NUTM2E: variants seen among roughly 807,000 people sequenced by gnomAD.
The protein encoded by NUTM2E is family with sequence similarity 22, member E.
NUTM2E carries 3 observed loss-of-function variants against 26.1 expected under a neutral mutation model. The observed-to-expected ratio is 0.12, with a 90% CI of 0.05 to 0.30. NUTM2E has a LOEUF of 0.30. Among genes scored for constraint, NUTM2E ranks in the 10% least tolerant of loss-of-function variants. The probability of loss-of-function intolerance (pLI) is 1.00; values close to 1 mark genes in which losing one functional copy is unlikely to be tolerated. For synonymous variants in NUTM2E, 13 were observed against 157.5 expected (o/e 0.08, Z 6.87); for missense variants, 62 against 381.3 (o/e 0.16, Z 6.97).
At chr10:79,834,667 T>TAA (rs377301904) in intron 1 of NUTM2E, among the ~76,000 whole-genome samples, 54 of 135,284 alleles carry the variant, frequency 4.0e-4, no homozygotes, top group South Asian at 1.2e-3. Flanking sequence ...TGCTCCATCT[T>TAA]AAAAAAAAAA....
intron 2 of NUTM2E, among the ~76,000 whole-genome samples, 81 bp downstream of exon 2, chr10:79,838,667 C>G (rs1841979371): frequency 6.6e-6 from 1 of 151,674 alleles, no homozygotes; most frequent in Admixed American, 6.6e-5. Flanking sequence ...GCCTTGAGCA[C>G]AGCCACAGGC....
At position 79,843,806 on chromosome 10, in the gene NUTM2E, C is replaced by T. The variant is rs1286526062; in HGVS notation, c.383-367C>T. On this transcript the variant is annotated intron_variant, in intron 4 of 9. Coordinates refer to ENST00000429984, the MANE Select transcript of NUTM2E (RefSeq NM_001355263.2). Reference sequence around the variant, plus strand: ...GCACTGCCCTGGGGTAGGCCCCTCACCTGTTGCTGAGCACGCTGAGGACCA... The same window carrying T: ...GCACTGCCCTGGGGTAGGCCCCTCATCTGTTGCTGAGCACGCTGAGGACCA... Among the ~76,000 whole-genome samples the T allele has an allele frequency of 1.0e-4, 13 of 129,738 alleles. 1 individual carries two copies. The highest frequency in any genetic ancestry group is 4.1e-4 in the African/African-American group (13 of 31,350). The allele number at this position is 129,738 out of a possible 152,430, so 85.1% of individuals were successfully genotyped here. A position where few individuals can be genotyped will look rare whatever the true frequency, so the allele number is the denominator to read the frequency against.
At chr10:79,837,717 G>A (rs577117571) in intron 1 of NUTM2E, among the ~76,000 whole-genome samples, 2 of 152,148 alleles carry the variant, frequency 1.3e-5, no homozygotes, top group East Asian at 1.9e-4. Context: ...ATTCATCAGT[G>A]TGTGTATGTG....
chr10:79,835,059 T>A (rs1325088838), intron 1 of NUTM2E, among the ~76,000 whole-genome samples: 2 of 150,834 alleles, frequency 1.3e-5, no homozygotes, highest in African/African-American at 4.9e-5. Context: ...TGTATTAATG[T>A]AGACTGGCAG....
chr10:79,837,814 T>C (rs1232045210), intron 1 of NUTM2E, among the ~76,000 whole-genome samples: 1 of 151,976 alleles, frequency 6.6e-6, no homozygotes, highest in African/African-American at 2.4e-5. Context: ...GTGTGCCAGA[T>C]ATTAAGCAAT....
intron 3 of NUTM2E, among the ~76,000 whole-genome samples, 98 bp downstream of exon 3, chr10:79,839,213 T>C (rs1256961491): frequency 6.6e-6 from 1 of 151,078 alleles, no homozygotes; most frequent in Admixed American, 6.6e-5. Flanking sequence ...TCAAATTGCA[T>C]GTCTTGCATT....
intron 1 of NUTM2E, among the ~76,000 whole-genome samples, chr10:79,832,539 A>T (rs1386240237): frequency 2.6e-5 from 4 of 151,432 alleles, no homozygotes; most frequent in African/African-American, 4.8e-5. Flanking sequence ...AATTAGAATT[A>T]TAACTCACAT....
At chr10:79,832,023 GAGAGAA>G (rs1367425995) in intron 1 of NUTM2E, among the ~76,000 whole-genome samples, 1 of 6,298 alleles carries the variant, frequency 1.6e-4, no homozygotes, top group East Asian at 0.071. Flanking sequence ...GAGACTGAGA[GAGAGAA>G]AGAGATTATC....
chr10:79,836,155 A>G (rs1447523824), intron 1 of NUTM2E, among the ~76,000 whole-genome samples: 1 of 151,560 alleles, frequency 6.6e-6, no homozygotes, highest in Non-Finnish European at 1.5e-5. Flanking sequence ...TTTCCCTCAT[A>G]ATTGTCAGAA....
intron 2 of NUTM2E, among the ~76,000 whole-genome samples, 74 bp from the exon 3 acceptor site, chr10:79,838,706 C>A (rs554876385): frequency 6.8e-6 from 1 of 146,116 alleles, no homozygotes; most frequent in Admixed American, 6.7e-5. Context: ...GGGGTCGCCC[C>A]GCGGACACTG....
chr10:79,829,995 C>G (rs1841916428), intron 1 of NUTM2E, among the ~76,000 whole-genome samples: 1 of 151,034 alleles, frequency 6.6e-6, no homozygotes, highest in Middle Eastern at 3.2e-3. Flanking sequence ...ATGAGCTTAT[C>G]CAAAAGTAAG....
chr10:79,829,655 G>C (rs1841914164), intron 1 of NUTM2E, among the ~76,000 whole-genome samples: 1 of 151,884 alleles, frequency 6.6e-6, no homozygotes, highest in African/African-American at 2.4e-5. Flanking sequence ...AAAGCAGATA[G>C]TCCAATAGGA....
intron 1 of NUTM2E, among the ~76,000 whole-genome samples, chr10:79,832,415 T>A (rs1841933004): frequency 6.6e-6 from 1 of 151,638 alleles, no homozygotes; most frequent in East Asian, 1.9e-4. Flanking sequence ...TCCTGGTGAT[T>A]TGAATGTACG....
intron 5 of NUTM2E, among the ~76,000 whole-genome samples, chr10:79,845,606 A>G (rs1405558417): frequency 6.9e-5 from 7 of 101,404 alleles, no homozygotes; most frequent in Admixed American, 4.5e-4. Flanking sequence ...AGCACTCCCC[A>G]AAGCCACGGG....
Position 79,849,037 on chromosome 10 carries a change from G to A in NUTM2E, c.1734+142G>A. On this transcript the variant is annotated intron_variant, in intron 8 of 9. Coordinates refer to ENST00000429984, the MANE Select transcript of NUTM2E (RefSeq NM_001355263.2). ...AGTGTCTGTGTATGTGATTGTGTGT[G>A]TCTGTGTGTTTGTGTCTGTGGTTTG... 2.1e-6 allele frequency: 2 copies of A among 968,094 alleles called. 1 individual carries two copies. Among genetic ancestry groups the A allele is most frequent in the Non-Finnish European group, 3.0e-6 (2 of 664,080 alleles). The allele number at this position is 968,094 out of a possible 1,614,324, so 60.0% of individuals were successfully genotyped here.
intron 1 of NUTM2E, among the ~76,000 whole-genome samples, chr10:79,837,638 T>C (rs1206188636): frequency 6.6e-6 from 1 of 152,038 alleles, no homozygotes; most frequent in Non-Finnish European, 1.5e-5. Flanking sequence ...ACAAACACTT[T>C]GATTGTGTTA....
rs761055288 is a variant in NUTM2E, at chr10:79,835,368, ATAAT to A, written c.-2727-2935_-2727-2932del. On this transcript the variant is annotated intron_variant, in intron 1 of 9. Transcript: ENST00000429984. ...AAATTGCTTTGGGTATTCAAAGAAGATAATTAATTGCCGTGGATTAGGAATCTGA... is the reference window on the plus strand; with the variant it reads ...AAATTGCTTTGGGTATTCAAAGAAGATAATTGCCGTGGATTAGGAATCTGA... Among the ~76,000 whole-genome samples, 200 of 150,412 alleles carry A rather than the reference ATAAT, an allele frequency of 1.3e-3. 2 individuals carry two copies. The highest frequency in any genetic ancestry group is 3.4e-3 in the Middle Eastern group (1 of 290).
At chr10:79,828,713 C>T (rs1225562396) in intron 1 of NUTM2E, among the ~76,000 whole-genome samples, 4 of 151,928 alleles carry the variant, frequency 2.6e-5, no homozygotes, top group Admixed American at 6.6e-5. Flanking sequence ...GTCCTAGCCA[C>T]TTATTAGCTG....
rs1435702746 is a variant in NUTM2E at position 79,840,760 on chromosome 10, G to A, written c.-981G>A. Among the ~76,000 whole-genome samples the A allele has an allele frequency of 2.1e-5, 3 of 145,466 alleles. No homozygotes were observed. The highest frequency in any genetic ancestry group is 4.2e-4 in the East Asian group (2 of 4,804). ...TCAGTGAATGTTTGCAGTGTGCACCGGTCTGGCTGAAGGCCTCTTCCCTTC... is the reference window on the plus strand; with the variant it reads ...TCAGTGAATGTTTGCAGTGTGCACCAGTCTGGCTGAAGGCCTCTTCCCTTC... On this transcript the variant is annotated 5_prime_UTR_variant, in exon 4 of 10. Transcript: ENST00000429984.
Sources: allele counts gnomAD v4.1 joint callset (sites outside exome capture counted in the v4.1 genomes callset), GRCh38; gene constraint gnomAD v4.1.1; transcripts MANE v1.5; gene names NCBI Gene and HGNC (gene_info 2026-07-23, HGNC 2026-07-21).